Variants in HOMER2 observed in about 807,000 individuals in gnomAD.
HOMER2 encodes homer scaffold protein 2.
A neutral mutation model predicts 47.0 loss-of-function variants in HOMER2; 27 were observed. The ratio of observed to expected loss-of-function variants is 0.57; its 90% CI spans 0.42 to 0.79. The LOEUF (loss-of-function observed/expected upper bound fraction) is 0.79, where lower values mean the gene tolerates loss of function less well. Among genes scored for constraint, HOMER2 ranks in the 30% least tolerant of loss-of-function variants. HOMER2 has a pLI of 0.00. For synonymous variants in HOMER2, 161 were observed against 163.8 expected (o/e 0.98, Z 0.13); for missense variants, 443 against 435.0 (o/e 1.02, Z -0.16).
Position 82,952,699 on chromosome 15 carries a change from T to A in HOMER2, c.-164A>T. 1.0e-6 allele frequency: 1 copy of A among 985,036 alleles called. No individual in the cohort carries two copies. Among genetic ancestry groups the A allele is most frequent in the Non-Finnish European group, 1.2e-6 (1 of 830,930 alleles). The allele number at this position is 985,036 out of a possible 1,614,324, so 61.0% of individuals were successfully genotyped here. On this transcript the variant is annotated 5_prime_UTR_variant, in exon 1 of 9. Transcript: ENST00000450735. ...GCTGCGCGGCTGCCACTGCTGCCAC[T>A]GCCGCCACCGCCGCCAGGCGCGGGC...
chr15:82,864,575 C>T (rs1356134157), intron 3 of HOMER2, among the ~76,000 whole-genome samples: 2 of 152,118 alleles, frequency 1.3e-5, no homozygotes, highest in Admixed American at 1.3e-4. Context: ...ATAATCCATA[C>T]CGAAAAGATC....
chr15:82,877,037 G>C (rs181772979), intron 2 of HOMER2, among the ~76,000 whole-genome samples: 24 of 152,282 alleles, frequency 1.6e-4, no homozygotes, highest in African/African-American at 5.5e-4. Context: ...ACTAACAACA[G>C]CAATTACTAT....
chr15:82,978,856 G>A (rs1227032262), intron 1 of HOMER2, among the ~76,000 whole-genome samples: 1 of 152,194 alleles, frequency 6.6e-6, no homozygotes, highest in Admixed American at 6.5e-5. Flanking sequence ...GAGTAGCTGG[G>A]ACTACAGGTG....
intron 2 of HOMER2, 93 bp from the exon 3 acceptor site, chr15:82,875,497 C>A: frequency 1.5e-6 from 2 of 1,338,524 alleles, no homozygotes; most frequent in East Asian, 2.4e-5. Flanking sequence ...GCCAGTGCTT[C>A]AAGCCTGTAT....
At chr15:82,910,742 G>A (rs1387988649) in intron 1 of HOMER2, among the ~76,000 whole-genome samples, 4 of 152,168 alleles carry the variant, frequency 2.6e-5, no homozygotes, top group African/African-American at 7.2e-5. Flanking sequence ...AAATTCCTCA[G>A]ATGGGAGTTT....
intron 1 of HOMER2, among the ~76,000 whole-genome samples, chr15:82,942,718 TC>T (rs1333501918): frequency 3.3e-5 from 5 of 152,162 alleles, no homozygotes; most frequent in African/African-American, 1.2e-4. Context: ...CACTTGCACC[TC>T]CCTGTAAAAG....
chr15:82,865,641 G>A (rs1203474875), intron 3 of HOMER2, among the ~76,000 whole-genome samples: 2 of 152,190 alleles, frequency 1.3e-5, no homozygotes, highest in Non-Finnish European at 2.9e-5. Flanking sequence ...ATATGGTTTG[G>A]CTGTGTCCCC....
chr15:82,869,866 T>C (rs765759281), intron 3 of HOMER2, among the ~76,000 whole-genome samples: 46 of 152,222 alleles, frequency 3.0e-4, no homozygotes, highest in Non-Finnish European at 5.0e-4. Flanking sequence ...ATGTTATAAA[T>C]GATGCTGCAA....
downstream of HOMER2, chr15:82,846,034 A>G (rs1302438850): frequency 6.6e-6 from 1 of 152,230 alleles, no homozygotes; most frequent in Non-Finnish European, 1.5e-5. Flanking sequence ...CCCTCTGTGC[A>G]CAGTCTTCCT....
intron 1 of HOMER2, among the ~76,000 whole-genome samples, chr15:82,916,865 G>A (rs754334096): frequency 5.3e-5 from 8 of 151,198 alleles, no homozygotes; most frequent in East Asian, 2.0e-4. Context: ...GCAATGGCGC[G>A]ATCTCGGGTT....
upstream of HOMER2, among the ~76,000 whole-genome samples, chr15:82,955,171 CTTT>C (rs537098552): frequency 1.5e-5 from 2 of 133,806 alleles, no homozygotes; most frequent in Non-Finnish European, 1.6e-5. Flanking sequence ...TTTTCTTTTT[CTTT>C]TTTTTTTTTT....
intron 1 of HOMER2, among the ~76,000 whole-genome samples, chr15:82,903,170 A>C (rs1210266492): frequency 6.6e-6 from 1 of 152,190 alleles, no homozygotes; most frequent in Non-Finnish European, 1.5e-5. Context: ...GGCACTTCGC[A>C]ATCATCCAGG....
upstream of HOMER2, among the ~76,000 whole-genome samples, chr15:82,953,056 A>G (rs2054543160): frequency 6.6e-6 from 1 of 152,176 alleles, no homozygotes; most frequent in African/African-American, 2.4e-5. Flanking sequence ...TTTACTTTGC[A>G]GATAAGGGAA....
At chr15:82,865,457 A>T (rs1215259143) in intron 3 of HOMER2, among the ~76,000 whole-genome samples, 1 of 152,220 alleles carries the variant, frequency 6.6e-6, no homozygotes, top group African/African-American at 2.4e-5. Flanking sequence ...TTAGGCTTGC[A>T]CAGCCCTGTC....
At chr15:82,909,214 C>T (rs984761581) in intron 1 of HOMER2, among the ~76,000 whole-genome samples, 4 of 152,088 alleles carry the variant, frequency 2.6e-5, no homozygotes, top group Admixed American at 1.3e-4. Flanking sequence ...CTTGGTGCTG[C>T]GAAGTGAAAA....
intron 1 of HOMER2, among the ~76,000 whole-genome samples, chr15:82,925,528 C>G (rs1236128464): frequency 6.6e-6 from 1 of 152,200 alleles, no homozygotes; most frequent in Non-Finnish European, 1.5e-5. Flanking sequence ...TTTGCACTAC[C>G]TTGGGAAATC....
At position 82,892,819 on chromosome 15, in the gene HOMER2, G is replaced by T. The variant is rs750943670; in HGVS notation, c.28C>A (p.Arg10=). Residue 10 remains arginine (R), a synonymous_variant, in exon 2 of 9, where the codon CGA becomes AGA. Transcript: ENST00000450735. ...GGGTCAATCTGGAAGACATGCGCTC[G>T]GGTGGTGAAGATGGGCTGTTCTCTG... MGEQPIFTT[R]AHVFQIDPNT... The T allele has an allele frequency of 1.3e-6, 2 of 1,598,272 alleles. No homozygotes were observed. Among genetic ancestry groups the T allele is most frequent in the East Asian group, 2.2e-5 (1 of 44,748 alleles).
At chr15:82,838,821 A>G (rs944225528) in exon 2 of HOMER2, 2 of 152,246 alleles carry the variant, frequency 1.3e-5, no homozygotes, top group Admixed American at 1.3e-4. Context: ...ACTTGAATGA[A>G]GGAAAAATAG....
At chr15:82,907,370 G>A (rs893815744) in intron 1 of HOMER2, among the ~76,000 whole-genome samples, 20 of 145,358 alleles carry the variant, frequency 1.4e-4, no homozygotes, top group African/African-American at 4.9e-4. Flanking sequence ...GAAAAGAAAA[G>A]AGAAGAGAAG....
Sources: gnomAD v4.1 joint callset for allele counts (sites outside exome capture counted in the v4.1 genomes callset) on GRCh38, gnomAD v4.1.1 for gene constraint, MANE v1.5 for transcripts, NCBI Gene and HGNC (gene_info 2026-07-23, HGNC 2026-07-21) for gene names.